The following SAMD12 variants were observed in gnomAD, a reference collection of about 807,000 sequenced individuals.
The protein encoded by SAMD12 is sterile alpha motif domain-containing protein 12.
Under a neutral mutation model 15.0 loss-of-function variants are expected in SAMD12, and 9 were observed. The ratio of observed to expected loss-of-function variants is 0.60; its 90% CI spans 0.36 to 1.05. SAMD12 has a LOEUF of 1.05. Among genes scored for constraint, SAMD12 ranks in the 50% least tolerant of loss-of-function variants. The probability of loss-of-function intolerance (pLI) is 0.01; values close to 1 mark genes in which losing one functional copy is unlikely to be tolerated. For synonymous variants in SAMD12, 86 were observed against 90.1 expected (o/e 0.96, Z 0.25); for missense variants, 230 against 234.2 (o/e 0.98, Z 0.12).
chr8:118,342,981 A>G (rs1817449464), intron 4 of SAMD12, among the ~76,000 whole-genome samples: 2 of 152,282 alleles, frequency 1.3e-5, no homozygotes, highest in South Asian at 4.1e-4. Context: ...CAGTGTGGAA[A>G]AAGTGCTAGG....
chr8:118,612,552 A>G (rs1828134953), intron 1 of SAMD12, among the ~76,000 whole-genome samples: 1 of 152,010 alleles, frequency 6.6e-6, no homozygotes, highest in African/African-American at 2.4e-5. Context: ...CATTAATCTA[A>G]CTCTCTTGTC....
chr8:118,250,094 CT>C (rs1218724912), intron 4 of SAMD12, among the ~76,000 whole-genome samples: 2 of 152,074 alleles, frequency 1.3e-5, no homozygotes, highest in Non-Finnish European at 2.9e-5. Context: ...GCCAGTCAGG[CT>C]AATTAGGAAT....
At chr8:118,382,916 A>G (rs1326045976) in intron 3 of SAMD12, among the ~76,000 whole-genome samples, 4 of 152,152 alleles carry the variant, frequency 2.6e-5, no homozygotes, top group Admixed American at 2.6e-4. Flanking sequence ...AATCCGATTC[A>G]CGGTCTTCTT....
chr8:118,498,000 C>A (rs987211599), intron 2 of SAMD12, among the ~76,000 whole-genome samples: 5 of 151,918 alleles, frequency 3.3e-5, no homozygotes, highest in African/African-American at 1.2e-4. Context: ...GGAAGAAAGT[C>A]AGGAAGTGGA....
chr8:118,406,660 G>C (rs970640093), intron 3 of SAMD12, among the ~76,000 whole-genome samples: 7 of 152,026 alleles, frequency 4.6e-5, no homozygotes, highest in African/African-American at 1.7e-4. Context: ...TTTTCATGTT[G>C]CAAAGCTGAA....
chr8:118,152,788 T>G, the SAMD12 span, among the ~76,000 whole-genome samples: 1 of 152,158 alleles, frequency 6.6e-6, no homozygotes, highest in African/African-American at 2.4e-5. Context: ...CGTGAGCCAC[T>G]GTGCCTGGCC....
At chr8:118,386,786 C>T (rs1819986441) in intron 3 of SAMD12, among the ~76,000 whole-genome samples, 1 of 152,144 alleles carries the variant, frequency 6.6e-6, no homozygotes, top group Admixed American at 6.5e-5. Context: ...CAGCCTGGCA[C>T]AACTTTTCAA....
intron 2 of SAMD12, among the ~76,000 whole-genome samples, chr8:118,554,805 GA>G (rs1174588190): frequency 6.6e-6 from 1 of 152,114 alleles, no homozygotes; most frequent in Non-Finnish European, 1.5e-5. Flanking sequence ...GTTTCCCAAA[GA>G]AAGAATTCTG....
intron 3 of SAMD12, among the ~76,000 whole-genome samples, chr8:118,398,555 G>T (rs1820706686): frequency 6.6e-6 from 1 of 152,126 alleles, no homozygotes; most frequent in African/African-American, 2.4e-5. Flanking sequence ...TATATGAAGA[G>T]AACTTTTGGA....
At chr8:118,468,374 C>G (rs1823658066) in intron 2 of SAMD12, among the ~76,000 whole-genome samples, 1 of 152,170 alleles carries the variant, frequency 6.6e-6, no homozygotes, top group Non-Finnish European at 1.5e-5. Flanking sequence ...CTCTTGGCAG[C>G]AGCATCCTCT....
intron 2 of SAMD12, among the ~76,000 whole-genome samples, chr8:118,461,477 G>C (rs1304699134): frequency 1.3e-5 from 2 of 152,116 alleles, no homozygotes; most frequent in Non-Finnish European, 2.9e-5. Flanking sequence ...CTCTTTTCAT[G>C]CTATACTCCC....
the SAMD12 span, among the ~76,000 whole-genome samples, chr8:118,134,625 A>G: frequency 1.1e-4 from 16 of 152,168 alleles, no homozygotes; most frequent in African/African-American, 3.9e-4. Flanking sequence ...CCAGCAATCT[A>G]CGGTTTAATG....
At chr8:118,564,784 G>T (rs918105170) in intron 2 of SAMD12, among the ~76,000 whole-genome samples, 1 of 152,186 alleles carries the variant, frequency 6.6e-6, no homozygotes, top group African/African-American at 2.4e-5. Flanking sequence ...CACTATGAAA[G>T]TTTATTTCTT....
intron 2 of SAMD12, among the ~76,000 whole-genome samples, chr8:118,547,424 T>C (rs535658418): frequency 1.3e-5 from 2 of 152,326 alleles, no homozygotes; most frequent in South Asian, 2.1e-4. Context: ...TCTCTTACTG[T>C]AGATAAAGTA....
intron 1 of SAMD12, among the ~76,000 whole-genome samples, chr8:118,614,027 A>G (rs187279905): frequency 2.4e-4 from 36 of 152,330 alleles, no homozygotes; most frequent in Admixed American, 5.2e-4. Context: ...CTTGTATTTT[A>G]TCAATTACAC....
At chr8:118,440,760 G>T (rs1822733751) in intron 2 of SAMD12, among the ~76,000 whole-genome samples, 1 of 151,158 alleles carries the variant, frequency 6.6e-6, no homozygotes, top group African/African-American at 2.4e-5. Context: ...TTTGACAAAT[G>T]ATGGATTACA....
chr8:118,232,130 C>T (rs576100703), intron 4 of SAMD12, among the ~76,000 whole-genome samples: 21 of 152,236 alleles, frequency 1.4e-4, no homozygotes, highest in South Asian at 8.3e-4. Context: ...GCATTTACCC[C>T]ACTGTTCTAC....
intron 4 of SAMD12, among the ~76,000 whole-genome samples, chr8:118,203,384 T>TTG (rs55916454): frequency 0.43 from 63,494 of 149,072 alleles, 15,524 homozygotes; most frequent in Middle Eastern, 0.62. Context: ...TGGTAACAAC[T>TTG]TGTGTGTGTG....
intron 4 of SAMD12, among the ~76,000 whole-genome samples, chr8:118,210,155 G>A (rs1463932333): frequency 2.0e-5 from 3 of 152,152 alleles, no homozygotes; most frequent in Non-Finnish European, 2.9e-5. Context: ...AGAAGACAAG[G>A]GATAATAATA....
Sources: gnomAD v4.1 joint callset for allele counts (sites outside exome capture counted in the v4.1 genomes callset) on GRCh38, gnomAD v4.1.1 for gene constraint, MANE v1.5 for transcripts, NCBI Gene and HGNC (gene_info 2026-07-23, HGNC 2026-07-21) for gene names.